Variants in AP1S3 observed in about 807,000 individuals in gnomAD.
The protein encoded by AP1S3 is adaptor related protein complex 1 subunit sigma 3.
AP1S3 carries 10 observed loss-of-function variants against 20.9 expected under a neutral mutation model. The observed-to-expected ratio is 0.48, with a 90% CI of 0.29 to 0.81. The LOEUF is 0.81. Ranked by LOEUF, AP1S3 falls within the 30% of genes least tolerant of loss-of-function variation. The pLI, the probability that AP1S3 is intolerant of heterozygous loss-of-function variation, is 0.08. For synonymous variants in AP1S3, 41 were observed against 61.5 expected (o/e 0.67, Z 1.56); for missense variants, 154 against 183.8 (o/e 0.84, Z 0.94).
intron 1 of AP1S3, among the ~76,000 whole-genome samples, chr2:223,833,343 T>G (rs1692322393): frequency 6.6e-6 from 1 of 152,156 alleles, no homozygotes. Flanking sequence ...CCCATAAGCC[T>G]TTTTAAACAC....
Position 223,756,039 on chromosome 2 carries a change from T to A in AP1S3, c.*2676A>T. On this transcript the variant is annotated 3_prime_UTR_variant, in exon 5 of 5. Coordinates refer to ENST00000396654, the MANE Select transcript of AP1S3 (RefSeq NM_001039569.2). ...TGAGGTCCATCTTTACAAAATTGTATTGAAAAATAAAGAATTTGGCCGGGT... is the reference window on the plus strand; with the variant it reads ...TGAGGTCCATCTTTACAAAATTGTAATGAAAAATAAAGAATTTGGCCGGGT... 1.0e-6 allele frequency: 1 copy of A among 985,434 alleles called. No homozygotes were observed. Among genetic ancestry groups the A allele is most frequent in the Non-Finnish European group, 1.2e-6 (1 of 829,938 alleles). The allele number at this position is 985,434 out of a possible 1,614,324, so 61.0% of individuals were successfully genotyped here.
At chr2:223,774,804 C>T (rs1690725873) in intron 3 of AP1S3, among the ~76,000 whole-genome samples, 1 of 152,144 alleles carries the variant, frequency 6.6e-6, no homozygotes, top group Non-Finnish European at 1.5e-5. Flanking sequence ...TAACAAATTC[C>T]AATCACAAGA....
chr2:223,783,841 C>G (rs1006685646), intron 1 of AP1S3, among the ~76,000 whole-genome samples: 20 of 152,192 alleles, frequency 1.3e-4, no homozygotes, highest in African/African-American at 4.8e-4. Context: ...AATACTCAGG[C>G]TGTGATTGGC....
intron 1 of AP1S3, among the ~76,000 whole-genome samples, chr2:223,818,365 C>T (rs1221347448): frequency 6.7e-6 from 1 of 150,154 alleles, no homozygotes; most frequent in African/African-American, 2.5e-5. Flanking sequence ...TGCAGTGAGC[C>T]GAGATCGAGC....
At chr2:223,825,028 G>A (rs190762911) in intron 1 of AP1S3, among the ~76,000 whole-genome samples, 3 of 151,962 alleles carry the variant, frequency 2.0e-5, no homozygotes, top group South Asian at 2.1e-4. Flanking sequence ...ACAGTTCCTC[G>A]GCCGGGCTCG....
At chr2:223,799,820 A>G (rs571406013) in intron 1 of AP1S3, among the ~76,000 whole-genome samples, 1 of 152,348 alleles carries the variant, frequency 6.6e-6, no homozygotes, top group African/African-American at 2.4e-5. Flanking sequence ...TCAACAAAAT[A>G]TTAGCAATTC....
At chr2:223,796,993 C>A (rs1230382373) in intron 1 of AP1S3, among the ~76,000 whole-genome samples, 1 of 152,156 alleles carries the variant, frequency 6.6e-6, no homozygotes, top group Non-Finnish European at 1.5e-5. Context: ...CATTGAGTGG[C>A]AGCAGCAGAA....
intron 1 of AP1S3, among the ~76,000 whole-genome samples, chr2:223,821,237 C>A (rs942400364): frequency 4.6e-5 from 7 of 152,190 alleles, no homozygotes; most frequent in African/African-American, 1.7e-4. Context: ...CTCACTGCAA[C>A]CTCCACCTCC....
intron 1 of AP1S3, among the ~76,000 whole-genome samples, chr2:223,831,803 A>G (rs879332552): frequency 3.9e-5 from 6 of 152,294 alleles, no homozygotes; most frequent in Admixed American, 6.5e-5. Context: ...TTGGCCGGGC[A>G]CGGTGGCTCA....
intron 1 of AP1S3, among the ~76,000 whole-genome samples, chr2:223,796,393 A>G (rs1042261157): frequency 6.6e-6 from 1 of 152,176 alleles, no homozygotes; most frequent in African/African-American, 2.4e-5. Context: ...TTCTTGGGAA[A>G]CAACAAACTA....
chr2:223,799,755 A>G (rs770873251), intron 1 of AP1S3, among the ~76,000 whole-genome samples: 1 of 152,210 alleles, frequency 6.6e-6, no homozygotes, highest in African/African-American at 2.4e-5. Flanking sequence ...TAGGTACAAC[A>G]CTTCTCATCC....
intron 1 of AP1S3, among the ~76,000 whole-genome samples, chr2:223,829,497 C>T (rs1223812298): frequency 2.0e-5 from 3 of 151,980 alleles, no homozygotes; most frequent in Non-Finnish European, 4.4e-5. Context: ...GAGGCCAAGG[C>T]GGGGGAGATC....
At chr2:223,772,039 G>A (rs749673807) in intron 3 of AP1S3, among the ~76,000 whole-genome samples, 2 of 152,216 alleles carry the variant, frequency 1.3e-5, no homozygotes, top group Admixed American at 6.5e-5. Context: ...CCCGGGAGGC[G>A]GAAGGTGCAG....
intron 1 of AP1S3, among the ~76,000 whole-genome samples, chr2:223,805,300 G>T (rs917159137): frequency 1.3e-5 from 2 of 152,104 alleles, no homozygotes; most frequent in Non-Finnish European, 1.5e-5. Flanking sequence ...AAAATTAGCT[G>T]GGCATGGTAG....
chr2:223,790,848 AC>A (rs1489076515), intron 1 of AP1S3, among the ~76,000 whole-genome samples: 5 of 152,162 alleles, frequency 3.3e-5, no homozygotes, highest in African/African-American at 7.2e-5. Context: ...ATCATCACTG[AC>A]CCCACAGAAA....
At chr2:223,763,087 G>A (rs1190294365) in intron 4 of AP1S3, among the ~76,000 whole-genome samples, 1 of 152,176 alleles carries the variant, frequency 6.6e-6, no homozygotes, top group African/African-American at 2.4e-5. Context: ...CAGAGCCCAA[G>A]AGAACACTAA....
chr2:223,813,658 G>C (rs923203686), intron 1 of AP1S3, among the ~76,000 whole-genome samples: 2 of 152,152 alleles, frequency 1.3e-5, no homozygotes, highest in Non-Finnish European at 2.9e-5. Flanking sequence ...AATACACTCT[G>C]ACACAGCCCC....
intron 3 of AP1S3, among the ~76,000 whole-genome samples, chr2:223,767,352 C>G (rs1690510169): frequency 1.3e-5 from 2 of 152,292 alleles, no homozygotes; most frequent in South Asian, 2.1e-4. Context: ...TCTTGTCTAT[C>G]TCTGATAATT....
intron 1 of AP1S3, among the ~76,000 whole-genome samples, chr2:223,812,761 T>C (rs1257808771): frequency 6.6e-6 from 1 of 152,154 alleles, no homozygotes; most frequent in Non-Finnish European, 1.5e-5. Context: ...CCACTGCCTT[T>C]GAGTGCCACA....
Sources: allele counts gnomAD v4.1 joint callset (sites outside exome capture counted in the v4.1 genomes callset), GRCh38; gene constraint gnomAD v4.1.1; transcripts MANE v1.5; gene names NCBI Gene and HGNC (gene_info 2026-07-23, HGNC 2026-07-21).